Variants in PDGFRL observed in about 807,000 individuals in gnomAD.
PDGFRL encodes platelet derived growth factor receptor like, also known as platelet-derived growth factor receptor-like protein.
Under a neutral mutation model 37.2 loss-of-function variants are expected in PDGFRL, and 46 were observed. That is an observed-to-expected ratio of 1.24 (90% CI 0.98 to 1.58). The LOEUF (loss-of-function observed/expected upper bound fraction) is 1.58, where lower values mean the gene tolerates loss of function less well. PDGFRL is among the 40% of genes most tolerant of loss of function. The pLI is 0.00. For missense variants in PDGFRL, 692 were observed against 467.6 expected (o/e 1.48, Z -4.43); for synonymous variants, 251 against 184.3 (o/e 1.36, Z -2.93).
intron 2 of PDGFRL, among the ~76,000 whole-genome samples, chr8:17,618,433 C>T (rs1804571052): frequency 6.6e-6 from 1 of 152,190 alleles, no homozygotes; most frequent in Non-Finnish European, 1.5e-5. Context: ...CTATAGTAAT[C>T]TTCATGATTA....
At chr8:17,596,245 C>G (rs935358220) in intron 2 of PDGFRL, 24 of 722,114 alleles carry the variant, frequency 3.3e-5, no homozygotes, top group African/African-American at 1.3e-4. Flanking sequence ...TGGGGGTGTC[C>G]ATGTCCTCTC....
At chr8:17,592,709 C>A (rs1385736003) in intron 2 of PDGFRL, among the ~76,000 whole-genome samples, 1 of 152,214 alleles carries the variant, frequency 6.6e-6, no homozygotes, top group Non-Finnish European at 1.5e-5. Flanking sequence ...CTGGGAAACC[C>A]ATGGCAGGCC....
intron 1 of PDGFRL, among the ~76,000 whole-genome samples, chr8:17,587,443 C>G (rs1803840795): frequency 6.6e-6 from 1 of 152,112 alleles, no homozygotes; most frequent in Admixed American, 6.5e-5. Flanking sequence ...ACACAGAATA[C>G]CAAATTAGAC....
In PDGFRL at chr8:17,642,623, C is replaced by T; in HGVS notation, c.950C>T (p.Pro317Leu). The stretch of plus-strand genomic sequence containing the variant: ...GGTGTCGTTAAACAGGATGAAAGGC[C>T]TGTGACGATCCAAGACACTTGGAGG... ...WIFPGQKDER[P>L]VTIQDTWRLI... Residue 317 changes from proline (P) to leucine (L), a missense_variant, in exon 6 of 6, where the codon CCT becomes CTT. Physicochemically the swap from Pro to Leu is moderately conservative, Grantham distance 98. Transcript: ENST00000251630. 6.2e-7 allele frequency: 1 copy of T among 1,606,702 alleles called. No homozygotes were observed. The highest frequency in any genetic ancestry group is 2.2e-5 in the East Asian group (1 of 44,836).
chr8:17,610,585 G>A (rs1804390118), intron 2 of PDGFRL, among the ~76,000 whole-genome samples: 1 of 152,110 alleles, frequency 6.6e-6, no homozygotes. Context: ...GAGTTATATG[G>A]TCACAAAGTT....
intron 2 of PDGFRL, among the ~76,000 whole-genome samples, chr8:17,612,108 A>G (rs749986972): frequency 6.6e-6 from 1 of 152,160 alleles, no homozygotes; most frequent in Non-Finnish European, 1.5e-5. Flanking sequence ...CAGTGTTTCC[A>G]TTAATCAGAA....
intron 2 of PDGFRL, among the ~76,000 whole-genome samples, chr8:17,593,437 G>GA (rs35908143): frequency 0.86 from 126,459 of 147,846 alleles, 55,905 homozygotes; most frequent in Non-Finnish European, 0.97. Flanking sequence ...TAAAAATACG[G>GA]AAAAAAAAAA....
intron 4 of PDGFRL, among the ~76,000 whole-genome samples, chr8:17,630,829 C>T (rs1281616811): frequency 6.6e-6 from 1 of 152,118 alleles, no homozygotes; most frequent in Non-Finnish European, 1.5e-5. Context: ...CACAAGCCCC[C>T]TTGGTGTCCT....
intron 2 of PDGFRL, among the ~76,000 whole-genome samples, chr8:17,617,968 C>T (rs900863458): frequency 4.8e-5 from 7 of 145,158 alleles, no homozygotes; most frequent in South Asian, 4.7e-4. Context: ...GGGAGACTGT[C>T]GCCTCCATTT....
chr8:17,606,897 T>TTTTTTTTTTTTTTTTTTTG (rs1563516106), intron 2 of PDGFRL, among the ~76,000 whole-genome samples: 1 of 8,420 alleles, frequency 1.2e-4, no homozygotes, highest in African/African-American at 2.4e-4. Flanking sequence ...TTTTTTTGTT[T>TTTTTTTTTTTTTTTTTTTG]TTTTTTTTTT....
chr8:17,609,962 A>G (rs1275547766), intron 2 of PDGFRL, among the ~76,000 whole-genome samples: 1 of 152,156 alleles, frequency 6.6e-6, no homozygotes, highest in East Asian at 1.9e-4. Flanking sequence ...TACCTTGAAA[A>G]CGTTGGCAGG....
chr8:17,641,270 C>T (rs1464768256), intron 5 of PDGFRL, among the ~76,000 whole-genome samples: 1 of 152,222 alleles, frequency 6.6e-6, no homozygotes, highest in East Asian at 1.9e-4. Context: ...GCTGTGTCTG[C>T]ACTCCTGCTT....
rs1585337653 is a variant in PDGFRL at position 17,636,642 on chromosome 8, T to G, written c.939+2429T>G. Among the ~76,000 whole-genome samples the G allele has an allele frequency of 3.3e-5, 5 of 152,250 alleles. 1 individual carries two copies. Among genetic ancestry groups the G allele is most frequent in the Admixed American group, 3.3e-4 (5 of 15,286 alleles). The stretch of plus-strand genomic sequence containing the variant: ...TGAATTTTAGGATTGTTTTTTCTAG[T>G]TCTGTGAAGAATGATGGTGGTGTTT... On this transcript the variant is annotated intron_variant, in intron 5 of 5. Transcript: ENST00000251630.
chr8:17,600,060 T>C (rs1246288558), intron 2 of PDGFRL, among the ~76,000 whole-genome samples: 1 of 152,226 alleles, frequency 6.6e-6, no homozygotes, highest in African/African-American at 2.4e-5. Context: ...TCCTCTCTGA[T>C]AACCTTCACA....
chr8:17,596,295 G>A (rs1375627476), intron 2 of PDGFRL: 25 of 1,143,328 alleles, frequency 2.2e-5, no homozygotes, highest in Admixed American at 1.2e-4. Flanking sequence ...TGGCCAGATC[G>A]GCTGCCAGGC....
Position 17,589,647 on chromosome 8 carries a change from A to T in PDGFRL, c.235A>T (p.Lys79Ter). The change falls in exon 2 of 6, where the codon AAA becomes TAA. Residue 79 changes from lysine (K) to a stop codon, truncating the protein, a stop_gained. Transcript: ENST00000251630. LOFTEE classifies it high-confidence loss of function. ...MQVLDKGRFQ[K>*]PAATLSLLAG... ...AGTGCTGGATAAAGGTCGCTTCCAG[A>T]AACCCGCCGCTACCCTGAGTCTGCT... 1 of 1,613,932 alleles carries T rather than the reference A, an allele frequency of 6.2e-7. No individual in the cohort carries two copies. Among genetic ancestry groups the T allele is most frequent in the Non-Finnish European group, 8.5e-7 (1 of 1,179,902 alleles).
chr8:17,585,874 T>C (rs147206429), intron 1 of PDGFRL, among the ~76,000 whole-genome samples: 323 of 152,326 alleles, frequency 2.1e-3, no homozygotes, highest in African/African-American at 7.3e-3. Context: ...TGAATAATCA[T>C]GGTCCTTTTT....
At chr8:17,639,150 G>A (rs900469114) in intron 5 of PDGFRL, among the ~76,000 whole-genome samples, 5 of 152,068 alleles carry the variant, frequency 3.3e-5, no homozygotes, top group Admixed American at 3.3e-4. Context: ...GTTTATGTTA[G>A]TCCTATTTGT....
intron 4 of PDGFRL, among the ~76,000 whole-genome samples, chr8:17,632,658 C>G (rs1247245953): frequency 1.3e-5 from 2 of 152,202 alleles, no homozygotes; most frequent in African/African-American, 4.8e-5. Flanking sequence ...TTAAACCAAT[C>G]AGTAGGTTCC....
Sources: allele counts gnomAD v4.1 joint callset (sites outside exome capture counted in the v4.1 genomes callset), GRCh38; gene constraint gnomAD v4.1.1; transcripts MANE v1.5; gene names NCBI Gene and HGNC (gene_info 2026-07-23, HGNC 2026-07-21).